The following ROR1 variants were observed in gnomAD, a reference collection of about 807,000 sequenced individuals.
The protein encoded by ROR1 is ROR family WNT receptor 1.
A neutral mutation model predicts 78.8 loss-of-function variants in ROR1; 19 were observed. The ratio of observed to expected loss-of-function variants is 0.24; its 90% CI spans 0.17 to 0.35. The LOEUF (loss-of-function observed/expected upper bound fraction) is 0.35. Ranked by LOEUF, ROR1 falls within the 10% of genes least tolerant of loss-of-function variation. The probability of loss-of-function intolerance (pLI) is 1.00; values close to 1 mark genes in which losing one functional copy is unlikely to be tolerated. For synonymous variants in ROR1, 386 were observed against 433.6 expected, an observed-to-expected ratio of 0.89 and a Z score of 1.36; for missense variants, 917 against 1,177.8, an observed-to-expected ratio of 0.78 and a Z score of 3.24.
chr1:63,994,610 A>G (rs1470073776), intron 1 of ROR1, among the ~76,000 whole-genome samples: 3 of 152,168 alleles, frequency 2.0e-5, no homozygotes, highest in Non-Finnish European at 2.9e-5. Flanking sequence ...TCCTAGTGGA[A>G]TAGCTCACAG....
chr1:64,089,980 G>A (rs1218015342), intron 4 of ROR1, among the ~76,000 whole-genome samples: 1 of 152,022 alleles, frequency 6.6e-6, no homozygotes, highest in Non-Finnish European at 1.5e-5. Flanking sequence ...CACCATGTAA[G>A]ACACTTGGTT....
intron 2 of ROR1, among the ~76,000 whole-genome samples, chr1:64,017,373 TC>T (rs1176714099): frequency 6.6e-6 from 1 of 152,010 alleles, no homozygotes; most frequent in Non-Finnish European, 1.5e-5. Flanking sequence ...ACCAAGCAGC[TC>T]TCTCTCTCTA....
intron 2 of ROR1, 117 bp from the exon 3 acceptor site, chr1:64,049,574 C>T: frequency 1.2e-6 from 1 of 858,108 alleles, no homozygotes; most frequent in Non-Finnish European, 1.8e-6. Flanking sequence ...TCTGTCTCAC[C>T]TGCCTCTCCT....
At chr1:64,130,226 C>G (rs1648864584) in intron 4 of ROR1, among the ~76,000 whole-genome samples, 3 of 152,246 alleles carry the variant, frequency 2.0e-5, no homozygotes, top group Admixed American at 1.3e-4. Context: ...ATTCTCAACC[C>G]TATAGATTTA....
intron 1 of ROR1, among the ~76,000 whole-genome samples, chr1:63,850,798 TAA>T (rs1284183157): frequency 6.6e-6 from 1 of 152,166 alleles, no homozygotes; most frequent in Non-Finnish European, 1.5e-5. Context: ...TGTACATTTC[TAA>T]GGAATTGAAG....
intron 4 of ROR1, among the ~76,000 whole-genome samples, chr1:64,102,766 C>A (rs1415981912): frequency 6.6e-6 from 1 of 152,162 alleles, no homozygotes; most frequent in Admixed American, 6.5e-5. Flanking sequence ...TGGTCTAGGG[C>A]AGGATTTTTT....
intron 2 of ROR1, 22 bp from the exon 3 acceptor site, chr1:64,049,669 T>G: frequency 6.2e-7 from 1 of 1,605,624 alleles, no homozygotes; most frequent in Non-Finnish European, 8.5e-7. Flanking sequence ...CCCTCTCACC[T>G]GCCTCCTCTC....
At chr1:63,952,506 A>G (rs72683089) in intron 1 of ROR1, among the ~76,000 whole-genome samples, 3,825 of 152,256 alleles carry the variant, frequency 0.025, 75 homozygotes, top group Non-Finnish European at 0.042. Context: ...CAGCATAGAA[A>G]GAAGGCCAGT....
intron 1 of ROR1, among the ~76,000 whole-genome samples, chr1:63,860,912 T>C (rs1012149766): frequency 6.6e-6 from 1 of 152,176 alleles, no homozygotes; most frequent in Admixed American, 6.5e-5. Context: ...GGCCATCCCT[T>C]ATAACAATGA....
chr1:63,988,533 T>A (rs1646269213), intron 1 of ROR1, among the ~76,000 whole-genome samples: 1 of 152,160 alleles, frequency 6.6e-6, no homozygotes, highest in Non-Finnish European at 1.5e-5. Flanking sequence ...TTCAGCTGCG[T>A]TAAGTACATT....
chr1:64,022,787 T>C (rs991301945), intron 2 of ROR1, among the ~76,000 whole-genome samples: 1 of 152,220 alleles, frequency 6.6e-6, no homozygotes, highest in Non-Finnish European at 1.5e-5. Flanking sequence ...TCTGAAATTA[T>C]CTCTGCTTAC....
At chr1:63,837,689 C>T (rs1008226058) in intron 1 of ROR1, among the ~76,000 whole-genome samples, 1 of 152,116 alleles carries the variant, frequency 6.6e-6, no homozygotes, top group Admixed American at 6.6e-5. Flanking sequence ...GACACGGTGG[C>T]GTGTTCCTGT....
intron 7 of ROR1, among the ~76,000 whole-genome samples, chr1:64,147,376 A>G (rs1649503835): frequency 6.6e-6 from 1 of 152,092 alleles, no homozygotes; most frequent in South Asian, 2.1e-4. Flanking sequence ...TTTAAAGAAC[A>G]TTTTCATTTT....
intron 1 of ROR1, among the ~76,000 whole-genome samples, chr1:63,987,805 A>G (rs905397709): frequency 6.6e-6 from 1 of 152,158 alleles, no homozygotes; most frequent in Non-Finnish European, 1.5e-5. Context: ...ACTGTGACCT[A>G]GTGTTTCCCA....
intron 2 of ROR1, among the ~76,000 whole-genome samples, chr1:64,021,321 T>C (rs1291709711): frequency 6.6e-6 from 1 of 152,182 alleles, no homozygotes; most frequent in Non-Finnish European, 1.5e-5. Context: ...TCAACCCCAA[T>C]GTCCTCAATA....
chr1:64,145,524 C>A (rs975025536), intron 7 of ROR1, among the ~76,000 whole-genome samples: 3 of 152,136 alleles, frequency 2.0e-5, no homozygotes, highest in Non-Finnish European at 4.4e-5. Context: ...TTTCATACAC[C>A]TTCATATGGG....
At chr1:64,082,616 C>G (rs1263576132) in intron 4 of ROR1, among the ~76,000 whole-genome samples, 1 of 152,218 alleles carries the variant, frequency 6.6e-6, no homozygotes, top group Non-Finnish European at 1.5e-5. Context: ...TGAGGTCACC[C>G]TCTGCCCAGG....
At chr1:64,161,372 T>G (rs1470820764) in intron 8 of ROR1, among the ~76,000 whole-genome samples, 1 of 152,126 alleles carries the variant, frequency 6.6e-6, no homozygotes, top group African/African-American at 2.4e-5. Context: ...CAGATCAAGT[T>G]GGGAAGGAGG....
intron 8 of ROR1, among the ~76,000 whole-genome samples, chr1:64,162,063 AG>A: frequency 6.6e-6 from 1 of 152,336 alleles, no homozygotes; most frequent in Non-Finnish European, 1.5e-5. Flanking sequence ...AACAAAGAAA[AG>A]TCCTGAAAAC....
Sources: allele counts gnomAD v4.1 joint callset (sites outside exome capture counted in the v4.1 genomes callset), GRCh38; gene constraint gnomAD v4.1.1; transcripts MANE v1.5; gene names NCBI Gene and HGNC (gene_info 2026-07-23, HGNC 2026-07-21).